ZHX3: variants seen among roughly 807,000 people sequenced by gnomAD.
ZHX3 encodes zinc fingers and homeoboxes protein 3.
ZHX3 carries 20 observed loss-of-function variants against 64.5 expected under a neutral mutation model. That is an observed-to-expected ratio of 0.31 (90% CI 0.22 to 0.45). The LOEUF (loss-of-function observed/expected upper bound fraction) is 0.45, where lower values mean the gene tolerates loss of function less well. Ranked by LOEUF, ZHX3 falls within the 20% of genes least tolerant of loss-of-function variation. The probability of loss-of-function intolerance (pLI) is 1.00; values close to 1 mark genes in which losing one functional copy is unlikely to be tolerated. For synonymous variants in ZHX3, 423 were observed against 461.6 expected (o/e 0.92, Z 1.07); for missense variants, 1,041 against 1,195.8 (o/e 0.87, Z 1.91).
In ZHX3 at chr20:41,204,289, G is replaced by A. The variant is rs1036622811; in HGVS notation, c.628C>T (p.Pro210Ser). 2.5e-6 allele frequency: 4 copies of A among 1,614,212 alleles called. No homozygotes were observed. In the African/African-American group the frequency reaches 5.3e-5, roughly 22 times the overall value. Residue 210 changes from proline (P) to serine (S), a missense_variant, in exon 3 of 4, where the codon CCT becomes TCT. Physicochemically the swap from Pro to Ser is moderately conservative, Grantham distance 74. Transcript: ENST00000683867. This position sits in a 1 kb window ranked among gnomAD's most constrained non-coding sequence, Gnocchi z 6.6. ...AGCTTTGGTAAGGCCTCACCCACAG[G>A]CTGGCTAGGGACATTCTCCTTGAGT... is the stretch of plus-strand genomic sequence containing the variant. ...HTLKENVPSQ[P>S]VGEALPKLST...
chr20:41,188,178 T>C (rs1600702588), intron 3 of ZHX3, among the ~76,000 whole-genome samples: 2 of 152,210 alleles, frequency 1.3e-5, no homozygotes, highest in South Asian at 4.1e-4. Flanking sequence ...TATTTGTCTT[T>C]CTGTGCCTGG....
intron 2 of ZHX3, among the ~76,000 whole-genome samples, chr20:41,216,856 C>A (rs1171019898): frequency 6.6e-6 from 1 of 152,180 alleles, no homozygotes; most frequent in African/African-American, 2.4e-5. Flanking sequence ...ACTATCACTG[C>A]ATATTCTTGC....
chr20:41,231,728 T>C (rs147316954), intron 2 of ZHX3, among the ~76,000 whole-genome samples: 50 of 152,296 alleles, frequency 3.3e-4, no homozygotes, highest in Middle Eastern at 6.8e-3. Context: ...AAAATTAACA[T>C]ATCCTCTAAT....
rs185936455 is a variant in ZHX3 at position 41,195,744 on chromosome 20, A to G, written c.2860+6313T>C. ...GTTCTCTTTTAATGTATGCATTTAC[A>G]GCTACAGATTTACCTCTTAGGATTG... is the stretch of plus-strand genomic sequence containing the variant. On this transcript the variant is annotated intron_variant, in intron 3 of 3. Transcript: ENST00000683867. This position sits in a 1 kb window ranked among gnomAD's most constrained non-coding sequence, Gnocchi z 4.2. 3.3e-5 allele frequency among the ~76,000 whole-genome samples: 5 copies of G among 152,346 alleles called. No individual in the cohort carries two copies. The highest frequency in any genetic ancestry group is 9.6e-5 in the African/African-American group (4 of 41,588).
In ZHX3 at chr20:41,204,227, A is replaced by G; in HGVS notation, c.690T>C (p.His230=). 2 of 1,613,488 alleles carry G rather than the reference A, an allele frequency of 1.2e-6. No homozygotes were observed. Among genetic ancestry groups the G allele is most frequent in the Non-Finnish European group, 8.5e-7 (1 of 1,179,704 alleles). Residue 230 remains histidine (H), a synonymous_variant, in exon 3 of 4, where the codon CAT becomes CAC. Coordinates refer to ENST00000683867, the MANE Select transcript of ZHX3 (RefSeq NM_001384317.1). The surrounding 1 kb of genome is among the most constrained non-coding windows in gnomAD (Gnocchi z 6.6). ...CTGGAACTGCCCCATTGATGAAGGAATGGTCCCCCTCTCTCACCTCCATTT... is the reference window on the plus strand; with the variant it reads ...CTGGAACTGCCCCATTGATGAAGGAGTGGTCCCCCTCTCTCACCTCCATTT... ...TGEMEVREGD[H]SFINGAVPVS...
chr20:41,198,294 C>A (rs961229110), intron 3 of ZHX3, among the ~76,000 whole-genome samples: 1 of 152,010 alleles, frequency 6.6e-6, no homozygotes, highest in African/African-American at 2.4e-5. Context: ...CGGCACCTGG[C>A]CTATTTTTTC....
chr20:41,237,101 A>T (rs2041054241), intron 2 of ZHX3, among the ~76,000 whole-genome samples: 1 of 152,194 alleles, frequency 6.6e-6, no homozygotes. Flanking sequence ...ATCATTAAAA[A>T]GTCAGGAAAC....
At position 41,209,528 on chromosome 20, in the gene ZHX3, G is replaced by A. The variant is rs759050368; in HGVS notation, c.-150-4462C>T. Among the ~76,000 whole-genome samples the A allele has an allele frequency of 5.9e-5, 9 of 152,088 alleles. No individual in the cohort carries two copies. In the South Asian group the frequency reaches 6.2e-4, roughly 11 times the overall value. ...ACCAATGGAACAGAACAGAGCCCTCGGAAATAATACCACACATCTACAACC... is the reference window on the plus strand; with the variant it reads ...ACCAATGGAACAGAACAGAGCCCTCAGAAATAATACCACACATCTACAACC... On this transcript the variant is annotated intron_variant, in intron 2 of 3. Transcript: ENST00000683867.
intron 2 of ZHX3, among the ~76,000 whole-genome samples, chr20:41,253,910 A>G (rs1288809910): frequency 6.6e-6 from 1 of 151,464 alleles, no homozygotes; most frequent in Non-Finnish European, 1.5e-5. Context: ...TAATCTTTCA[A>G]TTTTGCAGTA....
At chr20:41,225,281 A>G (rs1044277245) in intron 2 of ZHX3, among the ~76,000 whole-genome samples, 2 of 152,210 alleles carry the variant, frequency 1.3e-5, no homozygotes, top group African/African-American at 4.8e-5. Context: ...GCTGTCTGAT[A>G]TACAGGAAAC....
Position 41,260,432 on chromosome 20 carries a change from T to C in ZHX3, c.-151+8558A>G, listed in dbSNP as rs565429258. ...AAGAGACATCACTTGAACAATGCCA[T>C]GGGGTAGATGAGGTCACATAGTGGA... On this transcript the variant is annotated intron_variant, in intron 2 of 3. Coordinates refer to ENST00000683867, the MANE Select transcript of ZHX3 (RefSeq NM_001384317.1). 3.3e-5 allele frequency among the ~76,000 whole-genome samples: 5 copies of C among 152,310 alleles called. No individual in the cohort carries two copies. In the South Asian group the frequency reaches 1.0e-3, roughly 32 times the overall value.
At chr20:41,281,142 C>T (rs2146687656) in intron 1 of ZHX3, among the ~76,000 whole-genome samples, 1 of 152,310 alleles carries the variant, frequency 6.6e-6, no homozygotes, top group Admixed American at 6.5e-5. Context: ...CACCAGACTT[C>T]TCATCTGCAA....
At chr20:41,260,204 A>G (rs745664166) in intron 2 of ZHX3, among the ~76,000 whole-genome samples, 1 of 151,860 alleles carries the variant, frequency 6.6e-6, no homozygotes, top group African/African-American at 2.4e-5. Flanking sequence ...GCAATAAAAG[A>G]CAGGCCACTT....
At chr20:41,289,617 C>T (rs4812489) in intron 1 of ZHX3, among the ~76,000 whole-genome samples, 3 of 151,908 alleles carry the variant, frequency 2.0e-5, no homozygotes, top group African/African-American at 7.2e-5. Context: ...ACTAATAAAA[C>T]GTTTGGCTAT....
intron 1 of ZHX3, among the ~76,000 whole-genome samples, chr20:41,315,697 G>A (rs1054595480): frequency 2.0e-5 from 3 of 151,976 alleles, no homozygotes; most frequent in African/African-American, 4.8e-5. Flanking sequence ...AAACAAAGAT[G>A]TATCTCTCAT....
At chr20:41,313,596 T>TC (rs1398230688) in intron 1 of ZHX3, among the ~76,000 whole-genome samples, 1 of 137,230 alleles carries the variant, frequency 7.3e-6, no homozygotes, top group Non-Finnish European at 1.6e-5. Flanking sequence ...TTTAGGCCTT[T>TC]TTTTTTTTTT....
intron 3 of ZHX3, among the ~76,000 whole-genome samples, chr20:41,187,323 C>CAAAAAAAAAAAAAAAAAAAAAAAA (rs57588943): frequency 1.3e-5 from 1 of 77,470 alleles, no homozygotes. Flanking sequence ...GAACCTGTCT[C>CAAAAAAAAAAAAAAAAAAAAAAAA]AAAAAAAAAA....
At chr20:41,312,285 A>C (rs1167147006) in intron 1 of ZHX3, among the ~76,000 whole-genome samples, 4 of 152,192 alleles carry the variant, frequency 2.6e-5, no homozygotes, top group Non-Finnish European at 5.9e-5. Flanking sequence ...TGTAAAATGG[A>C]CCAATCAGCA....
chr20:41,299,951 G>A (rs1600668237), intron 1 of ZHX3: 1 of 150,414 alleles, frequency 6.6e-6, no homozygotes, highest in East Asian at 1.9e-4. Context: ...AACTCCAGAT[G>A]TATGATTTGT....
Sources: gnomAD v4.1 joint callset for allele counts (sites outside exome capture counted in the v4.1 genomes callset) on GRCh38, gnomAD v4.1.1 for gene constraint, Gnocchi (gnomAD v3.1) non-coding constraint, MANE v1.5 for transcripts, NCBI Gene and HGNC (gene_info 2026-07-23, HGNC 2026-07-21) for gene names.